Variants in FAM81B observed in about 807,000 individuals in gnomAD.
FAM81B encodes protein FAM81B.
A neutral mutation model predicts 58.7 loss-of-function variants in FAM81B; 60 were observed. That is an observed-to-expected ratio of 1.02 (90% confidence interval 0.83 to 1.27). The LOEUF is 1.27. Among genes scored for constraint, FAM81B ranks in the 50% most tolerant of loss-of-function variants. The pLI is 0.00. For missense variants in FAM81B, 491 were observed against 522.0 expected (o/e 0.94, Z 0.58); for synonymous variants, 189 against 179.6 (o/e 1.05, Z -0.42).
At chr5:95,401,956 C>T (rs976979370) in intron 3 of FAM81B, among the ~76,000 whole-genome samples, 3 of 152,142 alleles carry the variant, frequency 2.0e-5, no homozygotes, top group Non-Finnish European at 4.4e-5. Flanking sequence ...ATGTGAAGCC[C>T]AAATATCTCT....
chr5:95,428,859 C>T, intron 6 of FAM81B, 127 bp downstream of exon 6: 2 of 1,268,794 alleles, frequency 1.6e-6, no homozygotes, highest in Admixed American at 2.0e-5. Flanking sequence ...GGGTGTAATT[C>T]TGACAGCTCA....
At chr5:95,439,924 C>T in intron 7 of FAM81B, 1 of 251,682 alleles carries the variant, frequency 4.0e-6, no homozygotes. Flanking sequence ...GAGGCTGAGG[C>T]AAGCAGGATC....
At chr5:95,403,225 G>A (rs1373532636) in intron 3 of FAM81B, among the ~76,000 whole-genome samples, 1 of 152,118 alleles carries the variant, frequency 6.6e-6, no homozygotes, top group Non-Finnish European at 1.5e-5. Context: ...TTGGAGTGGA[G>A]TAATCTGTAT....
chr5:95,399,575 G>C (rs1306467310), intron 3 of FAM81B, among the ~76,000 whole-genome samples: 1 of 151,780 alleles, frequency 6.6e-6, no homozygotes. Flanking sequence ...CAATTAGTAA[G>C]GGAAGGGGCT....
chr5:95,428,458 A>C, intron 5 of FAM81B, 145 bp from the exon 6 acceptor site: 1 of 959,692 alleles, frequency 1.0e-6, no homozygotes, highest in Non-Finnish European at 1.5e-6. Context: ...GAAGAAAGAG[A>C]TTCCTGAATA....
chr5:95,426,483 T>C (rs142473121), intron 5 of FAM81B, among the ~76,000 whole-genome samples: 68 of 152,242 alleles, frequency 4.5e-4, no homozygotes, highest in African/African-American at 1.4e-3. Context: ...GCTAATCTTA[T>C]GTGGGTACTC....
rs144069263 is a variant in FAM81B at position 95,401,014 on chromosome 5, T to C, written c.293+4839T>C. Among the ~76,000 whole-genome samples the C allele has an allele frequency of 2.9e-3, 414 of 142,998 alleles. 10 individuals carry two copies. Among genetic ancestry groups the C allele is most frequent in the Admixed American group, 0.026 (365 of 13,940 alleles). The allele number at this position is 142,998 out of a possible 152,430, so 93.8% of individuals were successfully genotyped here. ...GAACTCCCAACATCATCAAAACAATTTGCTACTGCAGTTTGCATATGCTTC... is the reference window on the plus strand; with the variant it reads ...GAACTCCCAACATCATCAAAACAATCTGCTACTGCAGTTTGCATATGCTTC... On this transcript the variant is annotated intron_variant, in intron 3 of 9. Transcript: ENST00000283357.
At chr5:95,397,744 C>T (rs1364621708) in intron 3 of FAM81B, among the ~76,000 whole-genome samples, 1 of 152,212 alleles carries the variant, frequency 6.6e-6, no homozygotes, top group East Asian at 1.9e-4. Flanking sequence ...TTAATCTCTC[C>T]CTTACCCCTT....
chr5:95,415,311 A>G (rs1013027180), intron 4 of FAM81B, among the ~76,000 whole-genome samples: 5 of 152,208 alleles, frequency 3.3e-5, no homozygotes, highest in African/African-American at 1.2e-4. Context: ...CTTTTCTACT[A>G]TCAAAGAGAA....
chr5:95,427,048 CAAA>C (rs944155637), intron 5 of FAM81B, among the ~76,000 whole-genome samples: 1 of 146,600 alleles, frequency 6.8e-6, no homozygotes, highest in South Asian at 2.1e-4. Flanking sequence ...GACTCCGTCT[CAAA>C]AAAAAGAAAA....
At position 95,420,346 on chromosome 5, in the gene FAM81B, C is replaced by G. The variant is rs373840204; in HGVS notation, c.600C>G (p.His200Gln). ...CCACAGGAACTAACTTTGCAGTACA[C>G]GAGATAAACATCAAACACCTACAAG... is the stretch of plus-strand genomic sequence containing the variant. ...QAATGTNFAV[H>Q]EINIKHLQGV... The change falls in exon 5 of 10, where the codon CAC becomes CAG. Residue 200 changes from histidine to glutamine, a missense_variant. Coordinates refer to ENST00000283357, the MANE Select transcript of FAM81B (RefSeq NM_152548.3). 2.7e-5 allele frequency: 43 copies of G among 1,613,716 alleles called. No individual in the cohort carries two copies. Among genetic ancestry groups the G allele is most frequent in the Non-Finnish European group, 3.6e-5 (42 of 1,179,760 alleles).
chr5:95,401,421 A>G (rs1037733385), intron 3 of FAM81B, among the ~76,000 whole-genome samples: 1 of 151,820 alleles, frequency 6.6e-6, no homozygotes, highest in African/African-American at 2.4e-5. Context: ...CCTACCTAAA[A>G]CTCAGCAGTG....
chr5:95,420,514 A>G, intron 5 of FAM81B, 112 bp downstream of exon 5: 1 of 1,421,080 alleles, frequency 7.0e-7, no homozygotes, highest in Non-Finnish European at 9.6e-7. Flanking sequence ...ACATTAAGCT[A>G]AACTAATGAG....
At position 95,391,436 on chromosome 5, in the gene FAM81B, A is replaced by G; in HGVS notation, c.47A>G (p.Lys16Arg). 1 of 1,613,858 alleles carries G rather than the reference A, an allele frequency of 6.2e-7. No individual in the cohort carries two copies. Among genetic ancestry groups the G allele is most frequent in the Non-Finnish European group, 8.5e-7 (1 of 1,179,816 alleles). Residue 16 changes from lysine to arginine, a missense_variant, in exon 1 of 10, where the codon AAA (lysine) becomes AGA (arginine). By Grantham distance (26) the Lys-to-Arg change is conservative. Transcript: ENST00000283357. Reference protein sequence around the residue: ...LGTLASSEKRKKSQRLFFKNI... With the variant: ...LGTLASSEKRRKSQRLFFKNI... ...ACATTGGCTTCCTCAGAAAAAAGAA[A>G]AAAATCACAGAGATTGTTTTTCAAA...
At chr5:95,402,987 G>A (rs1249055592) in intron 3 of FAM81B, among the ~76,000 whole-genome samples, 1 of 152,208 alleles carries the variant, frequency 6.6e-6, no homozygotes, top group South Asian at 2.1e-4. Flanking sequence ...AACCTGCCAA[G>A]CTGCTTCTGG....
chr5:95,403,624 G>GT (rs1192355722), intron 3 of FAM81B, among the ~76,000 whole-genome samples: 2 of 152,052 alleles, frequency 1.3e-5, no homozygotes, highest in South Asian at 2.1e-4. Context: ...CAGCCAGGTG[G>GT]TTTTTTTTAT....
chr5:95,396,733 G>A (rs1240765305), intron 3 of FAM81B: 1 of 152,210 alleles, frequency 6.6e-6, no homozygotes, highest in East Asian at 1.9e-4. Flanking sequence ...TGATGAAGGT[G>A]GCATTGCAAA....
intron 3 of FAM81B, among the ~76,000 whole-genome samples, chr5:95,402,803 G>C (rs990687874): frequency 9.9e-5 from 15 of 152,222 alleles, no homozygotes; most frequent in African/African-American, 3.6e-4. Context: ...ACATACAGGT[G>C]TGTGGCATTG....
intron 7 of FAM81B, among the ~76,000 whole-genome samples, chr5:95,439,135 AG>A (rs1463953355): frequency 6.7e-6 from 1 of 150,152 alleles, no homozygotes; most frequent in East Asian, 1.9e-4. Context: ...TTTCTAGTTT[AG>A]GACTACCACA....
Sources: gnomAD v4.1 joint callset for allele counts (sites outside exome capture counted in the v4.1 genomes callset) on GRCh38, gnomAD v4.1.1 for gene constraint, MANE v1.5 for transcripts, NCBI Gene and HGNC (gene_info 2026-07-23, HGNC 2026-07-21) for gene names.